The following EBF3 variants were observed in gnomAD, a reference collection of about 807,000 sequenced individuals.
EBF3 encodes EBF transcription factor 3.
In EBF3, 18 loss-of-function variants were observed where a neutral mutation model predicts 77.1. That is an observed-to-expected ratio of 0.23 (90% CI 0.16 to 0.35). The LOEUF is 0.35. Ranked by LOEUF, EBF3 falls within the 10% of genes least tolerant of loss-of-function variation. EBF3 has a pLI of 1.00. For missense variants in EBF3, 558 were observed against 860.0 expected (o/e 0.65, Z 4.39); for synonymous variants, 350 against 343.5 (o/e 1.02, Z -0.21).
intron 6 of EBF3, among the ~76,000 whole-genome samples, chr10:129,884,439 A>C (rs575752008): frequency 3.9e-5 from 6 of 152,290 alleles, no homozygotes; most frequent in African/African-American, 1.4e-4. Flanking sequence ...TACTGGGCTC[A>C]CGTTCTTTAA....
chr10:129,929,650 GC>G (rs1856878999), intron 6 of EBF3, among the ~76,000 whole-genome samples: 2 of 152,312 alleles, frequency 1.3e-5, no homozygotes, highest in African/African-American at 4.8e-5. Context: ...GTCCAAGGAG[GC>G]CCCCATGTCA....
At chr10:129,850,428 C>A (rs1396106137) in intron 10 of EBF3, among the ~76,000 whole-genome samples, 1 of 152,190 alleles carries the variant, frequency 6.6e-6, no homozygotes, top group South Asian at 2.1e-4. Flanking sequence ...AGTACATGGG[C>A]CCCTTTCACC....
chr10:129,950,250 T>C (rs901057329), intron 6 of EBF3, among the ~76,000 whole-genome samples: 4 of 152,166 alleles, frequency 2.6e-5, no homozygotes, highest in Non-Finnish European at 5.9e-5. Flanking sequence ...AGTGAATTAC[T>C]GGGAAGGCGC....
intron 6 of EBF3, among the ~76,000 whole-genome samples, chr10:129,878,964 G>A (rs1256443853): frequency 2.0e-5 from 3 of 152,112 alleles, no homozygotes; most frequent in Admixed American, 6.5e-5. Context: ...AGGTGAGGCC[G>A]AAGCGAGTGC....
chr10:129,950,591 C>T (rs961080177), intron 6 of EBF3, among the ~76,000 whole-genome samples: 4 of 152,094 alleles, frequency 2.6e-5, no homozygotes, highest in Non-Finnish European at 5.9e-5. Context: ...ATTTAATGAA[C>T]GCTGGTTACC....
intron 6 of EBF3, among the ~76,000 whole-genome samples, chr10:129,902,514 C>G (rs1854864459): frequency 6.6e-6 from 1 of 152,056 alleles, no homozygotes; most frequent in Non-Finnish European, 1.5e-5. Flanking sequence ...TAACAGCCAT[C>G]AAGATGGTTC....
Position 129,870,429 on chromosome 10 carries a change from G to A in EBF3, c.782-2517C>T, listed in dbSNP as rs1023446326. Among the ~76,000 whole-genome samples, 10 of 152,128 alleles carry A rather than the reference G, an allele frequency of 6.6e-5. No individual in the cohort carries two copies. The highest frequency in any genetic ancestry group is 3.3e-4 in the Admixed American group (5 of 15,278). ...CACTCCCCATCTCTTTCCCGGCCTG[G>A]CCCTGTGATGGGAGGCATCCCTGAA... is the stretch of plus-strand genomic sequence containing the variant. On this transcript the variant is annotated intron_variant, in intron 8 of 16. Transcript: ENST00000440978. This position sits in a 1 kb window ranked among gnomAD's most constrained non-coding sequence, Gnocchi z 4.4.
In EBF3 at chr10:129,935,531, C is replaced by A. The variant is rs187666596; in HGVS notation, c.554+21727G>T. Reference sequence around the variant, plus strand: ...AACAAGCCTCCCAACTCAGCGCCAACTGCGGAGCACCAAGCACCCATATGT... The same window carrying A: ...AACAAGCCTCCCAACTCAGCGCCAAATGCGGAGCACCAAGCACCCATATGT... On this transcript the variant is annotated intron_variant, in intron 6 of 16. Transcript: ENST00000440978. This position sits in a 1 kb window ranked among gnomAD's most constrained non-coding sequence, Gnocchi z 4.2. Among the ~76,000 whole-genome samples, 21 of 152,364 alleles carry A rather than the reference C, an allele frequency of 1.4e-4. No homozygotes were observed. In the East Asian group the frequency reaches 3.3e-3, roughly 24 times the overall value.
At chr10:129,936,141 C>T (rs2134452903) in intron 6 of EBF3, among the ~76,000 whole-genome samples, 1 of 152,322 alleles carries the variant, frequency 6.6e-6, no homozygotes, top group African/African-American at 2.4e-5. Context: ...TGATAGAAAA[C>T]ATTGCGACTG....
chr10:129,954,497 T>A (rs1471740338), intron 6 of EBF3, among the ~76,000 whole-genome samples: 1 of 150,894 alleles, frequency 6.6e-6, no homozygotes, highest in Admixed American at 6.6e-5. Context: ...AACTAAATTG[T>A]GTAATTAATT....
chr10:129,855,399 A>G (rs940566782), intron 10 of EBF3, among the ~76,000 whole-genome samples: 1 of 152,190 alleles, frequency 6.6e-6, no homozygotes, highest in Middle Eastern at 3.2e-3. Flanking sequence ...CATTCAAACA[A>G]TTCTGTTTAC....
intron 6 of EBF3, among the ~76,000 whole-genome samples, chr10:129,931,416 C>T (rs547866507): frequency 3.3e-5 from 5 of 152,196 alleles, no homozygotes; most frequent in Non-Finnish European, 7.3e-5. Flanking sequence ...CTGCCATGCA[C>T]GCTGAGGATC....
chr10:129,929,935 C>A (rs987154470), intron 6 of EBF3, among the ~76,000 whole-genome samples: 1 of 152,146 alleles, frequency 6.6e-6, no homozygotes, highest in Non-Finnish European at 1.5e-5. Context: ...GGGTGTGAGT[C>A]GGAGCACACT....
intron 6 of EBF3, among the ~76,000 whole-genome samples, chr10:129,931,143 A>G (rs1857002452): frequency 6.6e-6 from 1 of 152,194 alleles, no homozygotes; most frequent in African/African-American, 2.4e-5. Context: ...GTCTATATCT[A>G]TCTCTATATC....
At chr10:129,896,566 C>A (rs1024501874) in intron 6 of EBF3, among the ~76,000 whole-genome samples, 2 of 152,192 alleles carry the variant, frequency 1.3e-5, no homozygotes, top group Admixed American at 1.3e-4. Flanking sequence ...CCCTGCACAG[C>A]GAGTGGGGGG....
At chr10:129,930,921 C>A (rs576625722) in intron 6 of EBF3, among the ~76,000 whole-genome samples, 4 of 144,860 alleles carry the variant, frequency 2.8e-5, no homozygotes, top group African/African-American at 7.8e-5. Flanking sequence ...ATTAACAAAT[C>A]CCCCTCTCAT....
At chr10:129,924,860 A>G (rs1348387297) in intron 6 of EBF3, among the ~76,000 whole-genome samples, 1 of 151,948 alleles carries the variant, frequency 6.6e-6, no homozygotes, top group African/African-American at 2.4e-5. Flanking sequence ...GTGAAGATGG[A>G]GGTCTCACTA....
chr10:129,961,314 A>G (rs1455465875), intron 4 of EBF3, among the ~76,000 whole-genome samples: 3 of 152,270 alleles, frequency 2.0e-5, no homozygotes, highest in Admixed American at 2.0e-4. Context: ...CCTCCCCACC[A>G]CAACACTCTA....
intron 16 of EBF3, among the ~76,000 whole-genome samples, chr10:129,838,857 G>C (rs753670017): frequency 6.6e-6 from 1 of 152,166 alleles, no homozygotes; most frequent in Non-Finnish European, 1.5e-5. Context: ...ACAACTTTAC[G>C]GTTTGGAAGC....
Sources: allele counts gnomAD v4.1 joint callset (sites outside exome capture counted in the v4.1 genomes callset), GRCh38; gene constraint gnomAD v4.1.1; non-coding constraint Gnocchi (gnomAD v3.1); transcripts MANE v1.5; gene names NCBI Gene and HGNC (gene_info 2026-07-23, HGNC 2026-07-21).